The following HCN1 variants were observed in gnomAD, a reference collection of about 807,000 sequenced individuals.
HCN1 encodes the protein hyperpolarization activated cyclic nucleotide gated potassium channel 1, also known as potassium/sodium hyperpolarization-activated cyclic nucleotide-gated channel 1.
Under a neutral mutation model 78.9 loss-of-function variants are expected in HCN1, and 13 were observed. The observed-to-expected ratio is 0.16, with a 90% CI of 0.11 to 0.26. The LOEUF is 0.26. HCN1 is among the 10% of genes least tolerant of loss of function. The pLI, the probability that HCN1 is intolerant of heterozygous loss-of-function variation, is 1.00. For missense variants in HCN1, 810 were observed against 1,154.3 expected (o/e 0.70, Z 4.32); for synonymous variants, 552 against 455.5 (o/e 1.21, Z -2.70).
Position 45,437,815 on chromosome 5 carries a change from C to A in HCN1, c.1011+24031G>T, listed in dbSNP as rs80321961. Among the ~76,000 whole-genome samples, 573 of 152,314 alleles carry A rather than the reference C, an allele frequency of 3.8e-3. 3 individuals carry two copies. The highest frequency in any genetic ancestry group is 0.013 in the African/African-American group (553 of 41,574). ...ATTATTTCTTACACTTTCTGATAATCAGGAATCAAGGAGATTAGCTGGGTC... is the reference window on the plus strand; with the variant it reads ...ATTATTTCTTACACTTTCTGATAATAAGGAATCAAGGAGATTAGCTGGGTC... On this transcript the variant is annotated intron_variant, in intron 3 of 7. Transcript: ENST00000303230.
chr5:45,384,231 C>A (rs1561135353), intron 4 of HCN1, among the ~76,000 whole-genome samples: 1 of 152,036 alleles, frequency 6.6e-6, no homozygotes. Flanking sequence ...AGTACATTTC[C>A]TTTCAAGTAG....
At chr5:45,658,161 G>C (rs1392215744) in intron 1 of HCN1, among the ~76,000 whole-genome samples, 2 of 152,178 alleles carry the variant, frequency 1.3e-5, no homozygotes, top group Non-Finnish European at 2.9e-5. Flanking sequence ...TTAATAAATG[G>C]TGCTGGGAAA....
intron 2 of HCN1, among the ~76,000 whole-genome samples, chr5:45,538,339 C>T (rs1257259429): frequency 6.6e-6 from 1 of 152,144 alleles, no homozygotes; most frequent in Non-Finnish European, 1.5e-5. Context: ...AAAATATCCT[C>T]TCTATCCAAT....
intron 6 of HCN1, among the ~76,000 whole-genome samples, chr5:45,300,460 G>C (rs958227966): frequency 3.3e-5 from 5 of 151,926 alleles, no homozygotes; most frequent in African/African-American, 1.2e-4. Flanking sequence ...TTATTATGAT[G>C]ATCTATTTAT....
At chr5:45,513,408 T>G (rs1484316236) in intron 2 of HCN1, among the ~76,000 whole-genome samples, 1 of 152,066 alleles carries the variant, frequency 6.6e-6, no homozygotes, top group East Asian at 1.9e-4. Flanking sequence ...CATGATAAAT[T>G]ATAGAATCAA....
At chr5:45,353,697 A>C (rs752633102) in intron 4 of HCN1, among the ~76,000 whole-genome samples, 1 of 152,048 alleles carries the variant, frequency 6.6e-6, no homozygotes, top group Non-Finnish European at 1.5e-5. Flanking sequence ...GAATCTAATT[A>C]AATTTGGAAT....
chr5:45,535,288 C>T (rs1421245998), intron 2 of HCN1, among the ~76,000 whole-genome samples: 3 of 152,050 alleles, frequency 2.0e-5, no homozygotes, highest in African/African-American at 4.8e-5. Flanking sequence ...ATGATATCTT[C>T]TCAAATGAGA....
At chr5:45,345,756 C>G (rs2330703) in intron 5 of HCN1, among the ~76,000 whole-genome samples, 26,613 of 152,166 alleles carry the variant, frequency 0.17, 2,566 homozygotes, top group East Asian at 0.33. Context: ...AAGTTCCAAA[C>G]TTTCCCACAT....
At chr5:45,609,265 T>C (rs1358783025) in intron 2 of HCN1, among the ~76,000 whole-genome samples, 1 of 152,076 alleles carries the variant, frequency 6.6e-6, no homozygotes, top group Non-Finnish European at 1.5e-5. Flanking sequence ...CAAGAAGACA[T>C]GTAAAATAAA....
intron 1 of HCN1, among the ~76,000 whole-genome samples, chr5:45,666,505 CAT>C (rs1159983167): frequency 1.3e-5 from 2 of 151,994 alleles, no homozygotes; most frequent in Non-Finnish European, 2.9e-5. Flanking sequence ...AATGAGCATT[CAT>C]AGACTGAAGA....
At chr5:45,568,211 T>A (rs1743748620) in intron 2 of HCN1, among the ~76,000 whole-genome samples, 1 of 152,032 alleles carries the variant, frequency 6.6e-6, no homozygotes, top group African/African-American at 2.4e-5. Context: ...ATCATCAGAT[T>A]AAAAAATCCA....
chr5:45,590,079 G>A (rs1377386544), intron 2 of HCN1, among the ~76,000 whole-genome samples: 1 of 152,014 alleles, frequency 6.6e-6, no homozygotes, highest in Admixed American at 6.6e-5. Context: ...TTATTGTACT[G>A]GTGTATTTTT....
intron 2 of HCN1, among the ~76,000 whole-genome samples, chr5:45,470,969 T>G (rs1378671255): frequency 6.6e-6 from 1 of 151,944 alleles, no homozygotes; most frequent in Non-Finnish European, 1.5e-5. Context: ...TATAGTTTTA[T>G]TTAAGTGGGA....
chr5:45,351,970 G>A (rs1170836040), intron 5 of HCN1, among the ~76,000 whole-genome samples: 3 of 152,116 alleles, frequency 2.0e-5, no homozygotes, highest in Non-Finnish European at 2.9e-5. Context: ...TCAGTGTGGC[G>A]ATTCCTCAGG....
At chr5:45,415,870 A>T (rs1352104703) in intron 3 of HCN1, among the ~76,000 whole-genome samples, 1 of 152,060 alleles carries the variant, frequency 6.6e-6, no homozygotes, top group Non-Finnish European at 1.5e-5. Context: ...TATGAGTGGT[A>T]TCTAGGAAAA....
At chr5:45,548,861 C>T (rs1376448839) in intron 2 of HCN1, among the ~76,000 whole-genome samples, 1 of 151,556 alleles carries the variant, frequency 6.6e-6, no homozygotes, top group South Asian at 2.1e-4. Flanking sequence ...AACAGACAAA[C>T]AGAGAGCCAA....
intron 2 of HCN1, among the ~76,000 whole-genome samples, chr5:45,552,656 C>A (rs1443119635): frequency 6.6e-6 from 1 of 151,830 alleles, no homozygotes; most frequent in South Asian, 2.1e-4. Context: ...CTTCAGTAAG[C>A]ATAATTGGAA....
intron 2 of HCN1, among the ~76,000 whole-genome samples, chr5:45,624,053 T>C (rs1056348857): frequency 5.9e-5 from 9 of 152,126 alleles, no homozygotes; most frequent in African/African-American, 1.7e-4. Flanking sequence ...ATAGTGTGGC[T>C]AGAGGAAATA....
intron 4 of HCN1, among the ~76,000 whole-genome samples, chr5:45,375,136 T>A (rs1423277256): frequency 8.2e-6 from 1 of 121,858 alleles, no homozygotes; most frequent in Non-Finnish European, 1.6e-5. Flanking sequence ...ATAATATATT[T>A]TATAATATAT....
Sources: allele counts gnomAD v4.1 joint callset (sites outside exome capture counted in the v4.1 genomes callset), GRCh38; gene constraint gnomAD v4.1.1; transcripts MANE v1.5; gene names NCBI Gene and HGNC (gene_info 2026-07-23, HGNC 2026-07-21).